Variants in AKAP13 observed in about 807,000 individuals in gnomAD.
The protein encoded by AKAP13 is A-kinase anchoring protein 13.
A neutral mutation model predicts 264.5 loss-of-function variants in AKAP13; 80 were observed. That is an observed-to-expected ratio of 0.30 (90% CI 0.25 to 0.36). AKAP13 has a LOEUF of 0.36. Among genes scored for constraint, AKAP13 ranks in the 10% least tolerant of loss-of-function variants. The probability of loss-of-function intolerance (pLI) is 1.00; values close to 1 mark genes in which losing one functional copy is unlikely to be tolerated. For missense variants in AKAP13, 3,712 were observed against 3,435.2 expected (o/e 1.08, Z -2.01); for synonymous variants, 1,380 against 1,250.2 (o/e 1.10, Z -2.19).
intron 5 of AKAP13, among the ~76,000 whole-genome samples, chr15:85,557,611 C>T (rs572729085): frequency 7.2e-5 from 11 of 152,132 alleles, no homozygotes; most frequent in Admixed American, 4.6e-4. Flanking sequence ...ACTACAGGCA[C>T]GCACCACCAC....
Position 85,553,409 on chromosome 15 carries a change from C to T in AKAP13, c.662+9454C>T, listed in dbSNP as rs577472730. On this transcript the variant is annotated intron_variant, in intron 5 of 36. Transcript: ENST00000394518. ...GGCCTAACATCTGTAATTCTTATAC[C>T]ATTTAAATTTTAATAAATATTTGTT... Among the ~76,000 whole-genome samples the T allele has an allele frequency of 2.6e-5, 4 of 152,212 alleles. No homozygotes were observed. In the South Asian group the frequency reaches 8.3e-4, roughly 32 times the overall value.
intron 8 of AKAP13, among the ~76,000 whole-genome samples, chr15:85,591,427 G>A (rs2079574293): frequency 6.6e-6 from 1 of 152,162 alleles, no homozygotes; most frequent in Non-Finnish European, 1.5e-5. Flanking sequence ...ATTTTAAGAT[G>A]TAAGCTGATA....
At chr15:85,626,798 A>AT (rs199614874) in intron 8 of AKAP13, among the ~76,000 whole-genome samples, 7,925 of 146,272 alleles carry the variant, frequency 0.054, 306 homozygotes, top group East Asian at 0.19. Flanking sequence ...TGTATGTTTA[A>AT]TTTTTTTTTT....
chr15:85,609,282 C>G (rs1465791694), intron 8 of AKAP13, among the ~76,000 whole-genome samples: 2 of 152,182 alleles, frequency 1.3e-5, no homozygotes, highest in Non-Finnish European at 2.9e-5. Flanking sequence ...CCATCCTTGT[C>G]CCAGCCTCTA....
At chr15:85,716,235 A>G (rs776108662) in intron 20 of AKAP13, among the ~76,000 whole-genome samples, 4 of 152,284 alleles carry the variant, frequency 2.6e-5, no homozygotes, top group African/African-American at 4.8e-5. Context: ...GGAATAGGAA[A>G]AAGGGTGATT....
intron 1 of AKAP13, among the ~76,000 whole-genome samples, chr15:85,419,654 G>C (rs934778789): frequency 5.9e-5 from 9 of 152,146 alleles, no homozygotes; most frequent in Admixed American, 3.9e-4. Flanking sequence ...AATGTAGAGA[G>C]ATGGTTAACC....
chr15:85,603,871 T>C (rs1218253776), intron 8 of AKAP13, among the ~76,000 whole-genome samples: 1 of 152,172 alleles, frequency 6.6e-6, no homozygotes, highest in Non-Finnish European at 1.5e-5. Flanking sequence ...ACAGACCCAG[T>C]GGAATTGCAG....
intron 16 of AKAP13, among the ~76,000 whole-genome samples, chr15:85,691,446 C>A (rs1342220636): frequency 6.6e-6 from 1 of 152,180 alleles, no homozygotes; most frequent in Non-Finnish European, 1.5e-5. Context: ...CACCACTCAT[C>A]AGTAGTTCTT....
At chr15:85,491,039 G>A (rs1596325273) in intron 2 of AKAP13, among the ~76,000 whole-genome samples, 1 of 152,042 alleles carries the variant, frequency 6.6e-6, no homozygotes, top group Non-Finnish European at 1.5e-5. Flanking sequence ...ATGAGAAGTA[G>A]TAACTTAATA....
rs34949863 is a variant in AKAP13, at chr15:85,607,067, CTTTTTTTT to C, written c.4161+21250_4161+21257del. 7.1e-5 allele frequency among the ~76,000 whole-genome samples: 10 copies of C among 141,784 alleles called. No individual in the cohort carries two copies. In the South Asian group the frequency reaches 2.1e-3, roughly 30 times the overall value. The allele number at this position is 141,784 out of a possible 152,430, so 93.0% of individuals were successfully genotyped here. Reference sequence around the variant, plus strand: ...GATGAAGAGGCTTTTTTCTTTTTTTCTTTTTTTTTTTTTGAGACTTAACTCTTCCATCT... The same window carrying C: ...GATGAAGAGGCTTTTTTCTTTTTTTCTTTTTGAGACTTAACTCTTCCATCT... On this transcript the variant is annotated intron_variant, in intron 8 of 36. Transcript: ENST00000394518.
intron 1 of AKAP13, among the ~76,000 whole-genome samples, chr15:85,401,842 A>T (rs570368606): frequency 1.3e-5 from 2 of 152,318 alleles, no homozygotes; most frequent in South Asian, 4.1e-4. Context: ...AATGGGGAAC[A>T]AAATAATAAG....
intron 2 of AKAP13, among the ~76,000 whole-genome samples, chr15:85,512,904 T>G (rs2076486893): frequency 6.6e-6 from 1 of 152,158 alleles, no homozygotes; most frequent in African/African-American, 2.4e-5. Flanking sequence ...TAGCCCAGGC[T>G]GGAGTGCAGT....
chr15:85,651,440 AGG>A (rs1467604874), intron 10 of AKAP13: 1 of 152,160 alleles, frequency 6.6e-6, no homozygotes, highest in Non-Finnish European at 1.5e-5. Context: ...ATTTGTTTAT[AGG>A]TTGGTTGGGT....
chr15:85,561,530 A>G (rs2151264098), intron 5 of AKAP13, among the ~76,000 whole-genome samples: 1 of 152,368 alleles, frequency 6.6e-6, no homozygotes, highest in South Asian at 2.1e-4. Context: ...AAATACTTTG[A>G]TCACATCAAT....
At chr15:85,595,727 C>G (rs1268341916) in intron 8 of AKAP13, among the ~76,000 whole-genome samples, 2 of 152,124 alleles carry the variant, frequency 1.3e-5, no homozygotes, top group Admixed American at 6.5e-5. Context: ...TTTTTACTTT[C>G]ACAATACGCT....
At chr15:85,526,954 ATTTTT>A (rs11073395) in intron 3 of AKAP13, among the ~76,000 whole-genome samples, 2 of 131,302 alleles carry the variant, frequency 1.5e-5, no homozygotes, top group Non-Finnish European at 1.6e-5. Flanking sequence ...CTTAGTTGTA[ATTTTT>A]TTTTTTTTTT....
chr15:85,605,371 A>G (rs1249667191), intron 8 of AKAP13, among the ~76,000 whole-genome samples: 1 of 152,170 alleles, frequency 6.6e-6, no homozygotes, highest in Non-Finnish European at 1.5e-5. Context: ...CTAACACAGG[A>G]ACAGAAAACC....
chr15:85,727,008 C>T lies in AKAP13; in HGVS notation c.6823-58C>T. On this transcript the variant is annotated intron_variant, in intron 27 of 36. Coordinates refer to ENST00000394518, the MANE Select transcript of AKAP13 (RefSeq NM_007200.5). This position sits in a 1 kb window ranked among gnomAD's most constrained non-coding sequence, Gnocchi z 5.3. ...TGGTCTTACCTTAGATTGAAGCTGT[C>T]CTTCAGAGTTAGAATATTGTATATG... The T allele has an allele frequency of 6.3e-7, 1 of 1,585,342 alleles. No individual in the cohort carries two copies. Among genetic ancestry groups the T allele is most frequent in the African/African-American group, 1.3e-5 (1 of 74,428 alleles).
At chr15:85,676,585 T>C (rs773950079) in intron 14 of AKAP13, among the ~76,000 whole-genome samples, 1 of 152,046 alleles carries the variant, frequency 6.6e-6, no homozygotes, top group Non-Finnish European at 1.5e-5. Flanking sequence ...GAGTCACCAG[T>C]GTGTTGTATG....
Sources: gnomAD v4.1 joint callset for allele counts (sites outside exome capture counted in the v4.1 genomes callset) on GRCh38, gnomAD v4.1.1 for gene constraint, Gnocchi (gnomAD v3.1) non-coding constraint, MANE v1.5 for transcripts, NCBI Gene and HGNC (gene_info 2026-07-23, HGNC 2026-07-21) for gene names.